GRID2: variants seen among roughly 807,000 people sequenced by gnomAD.
GRID2 encodes the protein glutamate receptor ionotropic, delta-2.
A neutral mutation model predicts 114.8 loss-of-function variants in GRID2; 33 were observed. That is an observed-to-expected ratio of 0.29 (90% confidence interval 0.22 to 0.38). GRID2 has a LOEUF of 0.38. Ranked by LOEUF, GRID2 falls within the 10% of genes least tolerant of loss-of-function variation. The pLI is 1.00. For missense variants in GRID2, 1,184 were observed against 1,257.7 expected (o/e 0.94, Z 0.89); for synonymous variants, 505 against 449.9 (o/e 1.12, Z -1.55).
At chr4:92,314,403 A>G (rs949943020) in intron 1 of GRID2, among the ~76,000 whole-genome samples, 1 of 152,170 alleles carries the variant, frequency 6.6e-6, no homozygotes, top group African/African-American at 2.4e-5. Flanking sequence ...ACAAATTTAA[A>G]TCCATTGTAA....
intron 8 of GRID2, among the ~76,000 whole-genome samples, chr4:93,304,933 C>T (rs748033517): frequency 2.0e-5 from 3 of 152,108 alleles, no homozygotes; most frequent in Non-Finnish European, 4.4e-5. Flanking sequence ...TAAATTTGAA[C>T]AATGACATCC....
intron 2 of GRID2, among the ~76,000 whole-genome samples, chr4:92,712,179 A>G (rs11935035): frequency 0.26 from 38,967 of 151,998 alleles, 5,202 homozygotes; most frequent in East Asian, 0.42. Flanking sequence ...CCTTTCTTTT[A>G]AATATGCTAA....
chr4:92,937,670 C>A (rs1447153877), intron 2 of GRID2, among the ~76,000 whole-genome samples: 1 of 146,702 alleles, frequency 6.8e-6, no homozygotes, highest in African/African-American at 2.4e-5. Flanking sequence ...ATTGTTTTAG[C>A]TTTGGGGCTC....
chr4:93,608,060 G>A lies in GRID2; in HGVS notation c.2194-18209G>A, dbSNP rs57571153. Reference sequence around the variant, plus strand: ...TAACTTTACATATATATATATATACGTATATAAGTATATATATGCATATAT... The same window carrying A: ...TAACTTTACATATATATATATATACATATATAAGTATATATATGCATATAT... On this transcript the variant is annotated intron_variant, in intron 13 of 15. Transcript: ENST00000282020. Among the ~76,000 whole-genome samples the A allele has an allele frequency of 1.9e-3, 222 of 118,862 alleles. 2 individuals are homozygous for A. Among genetic ancestry groups the A allele is most frequent in the African/African-American group, 5.3e-3 (175 of 33,182 alleles). The allele number at this position is 118,862 out of a possible 152,430, so 78.0% of individuals were successfully genotyped here. A position where few individuals can be genotyped will look rare whatever the true frequency, so the allele number is the denominator to read the frequency against.
chr4:92,942,043 C>T (rs1000192687), intron 2 of GRID2, among the ~76,000 whole-genome samples: 14 of 152,250 alleles, frequency 9.2e-5, no homozygotes, highest in African/African-American at 3.4e-4. Context: ...AATGTCTATT[C>T]TGTTAATTTG....
intron 2 of GRID2, among the ~76,000 whole-genome samples, chr4:92,618,127 T>TA (rs1730090180): frequency 6.6e-6 from 1 of 151,746 alleles, no homozygotes; most frequent in African/African-American, 2.4e-5. Context: ...TGTTTTCTTC[T>TA]AAAAATTATA....
chr4:93,586,662 A>T (rs1483750091), intron 13 of GRID2, among the ~76,000 whole-genome samples: 1 of 152,112 alleles, frequency 6.6e-6, no homozygotes, highest in African/African-American at 2.4e-5. Context: ...TTTACTCAAG[A>T]CTACTGAGCC....
intron 14 of GRID2, among the ~76,000 whole-genome samples, chr4:93,697,650 A>G (rs1300560071): frequency 6.6e-6 from 1 of 151,870 alleles, no homozygotes; most frequent in Non-Finnish European, 1.5e-5. Flanking sequence ...GGGGAGGGGG[A>G]AAGATGTTGG....
rs145214631 is a variant in GRID2 at position 92,945,471 on chromosome 4, C to A, written c.245-139524C>A. The stretch of plus-strand genomic sequence containing the variant: ...TAGAAAAATGTGGCTAGGTTTTTTA[C>A]AACATACTATTCATTGAGATACCAA... On this transcript the variant is annotated intron_variant, in intron 2 of 15. Transcript: ENST00000282020. Among the ~76,000 whole-genome samples the A allele has an allele frequency of 7.9e-5, 12 of 152,198 alleles. No homozygotes were observed. In the East Asian group the frequency reaches 2.3e-3, roughly 29 times the overall value.
chr4:92,344,590 C>T (rs762527388), intron 1 of GRID2, among the ~76,000 whole-genome samples: 2 of 152,154 alleles, frequency 1.3e-5, no homozygotes, highest in South Asian at 2.1e-4. Context: ...CACTCGGATT[C>T]GAGTGGTGTA....
chr4:93,726,479 G>C (rs1729908288), intron 14 of GRID2, among the ~76,000 whole-genome samples: 1 of 152,128 alleles, frequency 6.6e-6, no homozygotes, highest in African/African-American at 2.4e-5. Flanking sequence ...CTCTTTTTTG[G>C]TTCCATGTGA....
intron 1 of GRID2, among the ~76,000 whole-genome samples, chr4:92,319,112 C>T (rs1726170037): frequency 1.3e-5 from 2 of 152,156 alleles, no homozygotes; most frequent in South Asian, 4.1e-4. Context: ...TTCTATCTCA[C>T]TCTTGGATAA....
At chr4:93,325,050 G>A (rs1030773078) in intron 8 of GRID2, among the ~76,000 whole-genome samples, 8 of 151,956 alleles carry the variant, frequency 5.3e-5, no homozygotes, top group African/African-American at 1.7e-4. Context: ...GTTCTGCTCC[G>A]ATCTTAGTTA....
chr4:92,757,478 C>T (rs1203739375), intron 2 of GRID2, among the ~76,000 whole-genome samples: 2 of 152,052 alleles, frequency 1.3e-5, no homozygotes, highest in African/African-American at 2.4e-5. Flanking sequence ...CTGCTTTTCT[C>T]CTTGTCTTAT....
At chr4:92,600,040 GTGTGTATATATA>G (rs1330987486) in intron 2 of GRID2, among the ~76,000 whole-genome samples, 13 of 70,722 alleles carry the variant, frequency 1.8e-4, no homozygotes, top group African/African-American at 7.3e-4. Flanking sequence ...GTGTGTGTGT[GTGTGTATATATA>G]TATATATATA....
chr4:92,779,674 G>C (rs1738979582), intron 2 of GRID2, among the ~76,000 whole-genome samples: 1 of 152,032 alleles, frequency 6.6e-6, no homozygotes, highest in Non-Finnish European at 1.5e-5. Flanking sequence ...TGGGAGAAGG[G>C]CAAAAAGAAC....
At position 92,720,755 on chromosome 4, in the gene GRID2, T is replaced by C. The variant is rs112117731; in HGVS notation, c.244+130469T>C. 5.4e-3 allele frequency among the ~76,000 whole-genome samples: 829 copies of C among 152,134 alleles called. 3 individuals carry two copies. Among genetic ancestry groups the C allele is most frequent in the African/African-American group, 0.019 (793 of 41,544 alleles). ...ACTTTTTTCAGAACCATCTTCTGAGTACAAGCCATCACTATTCAAAAATTG... is the reference window on the plus strand; with the variant it reads ...ACTTTTTTCAGAACCATCTTCTGAGCACAAGCCATCACTATTCAAAAATTG... On this transcript the variant is annotated intron_variant, in intron 2 of 15. Transcript: ENST00000282020.
chr4:92,922,002 A>G (rs1749388456), intron 2 of GRID2, among the ~76,000 whole-genome samples: 1 of 152,124 alleles, frequency 6.6e-6, no homozygotes, highest in Non-Finnish European at 1.5e-5. Flanking sequence ...CACCCAGTTC[A>G]AGCTTCCTGG....
At chr4:93,151,234 AG>A in intron 4 of GRID2, among the ~76,000 whole-genome samples, 1 of 152,150 alleles carries the variant, frequency 6.6e-6, no homozygotes, top group South Asian at 2.1e-4. Flanking sequence ...TTGGTGTTAA[AG>A]AGATGTGAGT....
Sources: allele counts gnomAD v4.1 joint callset (sites outside exome capture counted in the v4.1 genomes callset), GRCh38; gene constraint gnomAD v4.1.1; transcripts MANE v1.5; gene names NCBI Gene and HGNC (gene_info 2026-07-23, HGNC 2026-07-21).